Variants in FAXC observed in about 807,000 individuals in gnomAD.
The protein encoded by FAXC is failed axon connections homolog, metaxin like GST domain containing.
FAXC carries 10 observed loss-of-function variants against 41.9 expected under a neutral mutation model. The observed-to-expected ratio is 0.24, with a 90% CI of 0.15 to 0.41. The LOEUF is 0.41. Among genes scored for constraint, FAXC ranks in the 10% least tolerant of loss-of-function variants. FAXC has a pLI of 1.00. For missense variants in FAXC, 399 were observed against 510.9 expected (o/e 0.78, Z 2.11); for synonymous variants, 183 against 183.8 (o/e 1.00, Z 0.03).
At position 99,323,654 on chromosome 6, in the gene FAXC, A is replaced by C. The variant is rs922282457; in HGVS notation, c.613T>G (p.Cys205Gly). 7.1e-5 allele frequency: 115 copies of C among 1,613,940 alleles called. No homozygotes were observed. The highest frequency in any genetic ancestry group is 8.7e-5 in the Non-Finnish European group (103 of 1,179,904). The change falls in exon 4 of 6, where the codon TGC (cysteine) becomes GGC (glycine). Residue 205 changes from cysteine (C) to glycine (G), a missense_variant. Cys to Gly is a radical substitution (Grantham distance 159). Around this residue, in one of 3 missense-constraint regions of FAXC, gnomAD observed 239 missense variants for 352.7 expected, o/e 0.68. Transcript: ENST00000389677. The part of the protein sequence containing the change: ...EEHFYWTLAY[C>G]QWVDNLNETR... ...TCATTGAGATTGTCCACCCACTGGCAATAAGCTAATGTCCTGGAATTGTGT... is the reference window on the plus strand; with the variant it reads ...TCATTGAGATTGTCCACCCACTGGCCATAAGCTAATGTCCTGGAATTGTGT...
chr6:99,307,040 T>C (rs1771950804), intron 4 of FAXC, among the ~76,000 whole-genome samples: 1 of 152,162 alleles, frequency 6.6e-6, no homozygotes, highest in Non-Finnish European at 1.5e-5. Flanking sequence ...AGAAATCTCA[T>C]TTCCATTAGC....
At chr6:99,283,049 C>T (rs1169926873) in intron 5 of FAXC, among the ~76,000 whole-genome samples, 1 of 152,142 alleles carries the variant, frequency 6.6e-6, no homozygotes, top group Non-Finnish European at 1.5e-5. Context: ...ATGGCTGTAC[C>T]ATAGCTTCAG....
At chr6:99,324,037 G>T (rs1319136288) in intron 3 of FAXC, among the ~76,000 whole-genome samples, 3 of 152,124 alleles carry the variant, frequency 2.0e-5, no homozygotes, top group African/African-American at 7.2e-5. Context: ...ACCCATGGGG[G>T]CACAGGGCAG....
At position 99,278,866 on chromosome 6, in the gene FAXC, T is replaced by C. The variant is rs982609557; in HGVS notation, c.*2298A>G. 1.3e-5 allele frequency: 2 copies of C among 152,238 alleles called. No homozygotes were observed. Among genetic ancestry groups the C allele is most frequent in the Admixed American group, 6.5e-5 (1 of 15,280 alleles). The allele number at this position is 152,238 out of a possible 1,614,324, so 9.4% of individuals were successfully genotyped here. On this transcript the variant is annotated 3_prime_UTR_variant, in exon 6 of 6. Transcript: ENST00000389677. ...CTCCACATACTTGTATTCCAAGTAA[T>C]ATAAAATTAAAAACATATATTAATC...
At chr6:99,297,359 A>ATTGTT (rs1451723917) in intron 4 of FAXC, among the ~76,000 whole-genome samples, 6 of 152,194 alleles carry the variant, frequency 3.9e-5, no homozygotes, top group African/African-American at 1.4e-4. Context: ...AAAGACACAC[A>ATTGTT]GTTGTCCAGG....
chr6:99,337,060 T>C (rs1773242761), intron 2 of FAXC, among the ~76,000 whole-genome samples: 1 of 152,222 alleles, frequency 6.6e-6, no homozygotes, highest in South Asian at 2.1e-4. Context: ...CCTTATTTTT[T>C]GGAGCTGCAT....
At chr6:99,334,165 T>A (rs534798431) in intron 2 of FAXC, among the ~76,000 whole-genome samples, 1 of 152,330 alleles carries the variant, frequency 6.6e-6, no homozygotes, top group South Asian at 2.1e-4. Context: ...GTGCCCAGAA[T>A]CTGTGTTTTT....
chr6:99,308,966 A>G (rs1255814879), intron 4 of FAXC, among the ~76,000 whole-genome samples: 1 of 152,208 alleles, frequency 6.6e-6, no homozygotes, highest in Non-Finnish European at 1.5e-5. Flanking sequence ...ACAATTGACA[A>G]TGTATTACAA....
chr6:99,343,163 T>G (rs1483509674), intron 1 of FAXC, 130 bp from the exon 2 acceptor site: 13 of 749,914 alleles, frequency 1.7e-5, no homozygotes, highest in Non-Finnish European at 2.7e-5. Context: ...CACAGGGGCT[T>G]ACATCACCCA....
At chr6:99,338,806 T>C (rs1314905455) in intron 2 of FAXC, among the ~76,000 whole-genome samples, 4 of 152,202 alleles carry the variant, frequency 2.6e-5, no homozygotes, top group Admixed American at 2.6e-4. Flanking sequence ...CTTCCATTGC[T>C]GTCTTAGCAA....
chr6:99,332,528 T>A (rs771760589), intron 3 of FAXC, among the ~76,000 whole-genome samples: 20 of 152,282 alleles, frequency 1.3e-4, no homozygotes, highest in South Asian at 4.1e-4. Context: ...AATGAGTTTG[T>A]AAAGCAAGAA....
In FAXC at chr6:99,347,142, C is replaced by CT. The variant is rs548829564; in HGVS notation, c.266+1964dup. On this transcript the variant is annotated intron_variant, in intron 1 of 5. Coordinates refer to ENST00000389677, the MANE Select transcript of FAXC (RefSeq NM_032511.4). ...ATTAGCCAAGTGCAATGGTTCATGCCTGTAATCCCAGCAACTCAGCAGACT... is the reference window on the plus strand; with the variant it reads ...ATTAGCCAAGTGCAATGGTTCATGCCTTGTAATCCCAGCAACTCAGCAGACT... Among the ~76,000 whole-genome samples, 21 of 152,224 alleles carry CT rather than the reference C, an allele frequency of 1.4e-4. No individual in the cohort carries two copies. The South Asian group carries it at 4.2e-3, about 30-fold the overall frequency.
intron 4 of FAXC, among the ~76,000 whole-genome samples, chr6:99,322,968 T>C (rs1237099929): frequency 6.6e-6 from 1 of 152,050 alleles, no homozygotes; most frequent in East Asian, 1.9e-4. Context: ...GGTGAGAAAA[T>C]GACAAATGTT....
chr6:99,281,492 G>C, intron 5 of FAXC, 39 bp from the exon 6 acceptor site: 1 of 1,493,102 alleles, frequency 6.7e-7, no homozygotes, highest in Non-Finnish European at 9.3e-7. Context: ...AGTTCTCAAA[G>C]GCAGCAGTCT....
intron 5 of FAXC, among the ~76,000 whole-genome samples, chr6:99,284,554 AGTGTCTGTGTGTGT>A (rs1194124071): frequency 3.8e-5 from 4 of 104,476 alleles, no homozygotes; most frequent in African/African-American, 8.0e-5. Context: ...GGTTGTGTGG[AGTGTCTGTGTGTGT>A]GTGTGTGTGT....
intron 4 of FAXC, among the ~76,000 whole-genome samples, chr6:99,314,289 A>G (rs1772252052): frequency 6.6e-6 from 1 of 152,090 alleles, no homozygotes; most frequent in Admixed American, 6.5e-5. Context: ...TGTCTCTAAA[A>G]CATAGTTCTC....
In FAXC at chr6:99,333,521, A is replaced by G. The variant is rs1273833588; in HGVS notation, c.429T>C (p.Ala143=). The part of the protein sequence containing the change: ...YQNYFGGKLS[A]QGKMPWIEYN... ...ATTCAATCCAAGGCATTTTCCCTTG[A>G]GCAGAGAGTTTTCCACCAAAATAGT... The change falls in exon 3 of 6, where the codon GCT becomes GCC. Residue 143 remains alanine, a synonymous_variant. Coordinates refer to ENST00000389677, the MANE Select transcript of FAXC (RefSeq NM_032511.4). 6.2e-7 allele frequency: 1 copy of G among 1,611,208 alleles called. No individual in the cohort carries two copies. Among genetic ancestry groups the G allele is most frequent in the South Asian group, 1.1e-5 (1 of 90,230 alleles).
rs1375798179 is a variant in FAXC at position 99,276,653 on chromosome 6, A to G, written c.*4511T>C. On this transcript the variant is annotated 3_prime_UTR_variant, in exon 6 of 6. Transcript: ENST00000389677. The stretch of plus-strand genomic sequence containing the variant: ...CTTCTCTCTGGCTGTGTTAAAAACA[A>G]GAACAAACACAATGATAACATTTAA... 1 of 152,252 alleles carries G rather than the reference A, an allele frequency of 6.6e-6. No homozygotes were observed. Among genetic ancestry groups the G allele is most frequent in the Non-Finnish European group, 1.5e-5 (1 of 68,042 alleles). The allele number at this position is 152,252 out of a possible 1,614,324, so 9.4% of individuals were successfully genotyped here.
intron 4 of FAXC, among the ~76,000 whole-genome samples, chr6:99,311,171 A>G (rs1158041169): frequency 2.0e-5 from 3 of 152,234 alleles, no homozygotes; most frequent in Admixed American, 2.0e-4. Context: ...GCCTAAACAT[A>G]AATCACAACC....
Sources: gnomAD v4.1 joint callset for allele counts (sites outside exome capture counted in the v4.1 genomes callset) on GRCh38, gnomAD v4.1.1 for gene constraint, gnomAD v4.1.1 regional missense constraint, MANE v1.5 for transcripts, NCBI Gene and HGNC (gene_info 2026-07-23, HGNC 2026-07-21) for gene names.